The following TMEM225 variants were observed in gnomAD, a reference collection of about 807,000 sequenced individuals.
TMEM225 encodes PMP22 claudin domain-containing protein.
In TMEM225, 10 loss-of-function variants were observed where a neutral mutation model predicts 17.6. The observed-to-expected ratio is 0.57, with a 90% CI of 0.35 to 0.96. The LOEUF (loss-of-function observed/expected upper bound fraction) is 0.96, where lower values mean the gene tolerates loss of function less well. TMEM225 is among the 40% of genes least tolerant of loss of function. The pLI is 0.02. For missense variants in TMEM225, 245 were observed against 271.5 expected, an observed-to-expected ratio of 0.90 and a Z score of 0.69; for synonymous variants, 101 against 94.5, an observed-to-expected ratio of 1.07 and a Z score of -0.40.
At position 123,884,222 on chromosome 11, in the gene TMEM225, C is replaced by CAAAAAAAAAAAAA. The variant is rs61366176; in HGVS notation, c.329-26_329-14dup. 246 of 1,235,974 alleles carry CAAAAAAAAAAAAA rather than the reference C, an allele frequency of 2.0e-4. No homozygotes were observed. The highest frequency in any genetic ancestry group is 1.0e-3 in the South Asian group (50 of 49,304). The allele number at this position is 1,235,974 out of a possible 1,614,324, so 76.6% of individuals were successfully genotyped here. On this transcript the variant is annotated splice_polypyrimidine_tract_variant and intron_variant, in intron 2 of 3. Coordinates refer to ENST00000375026, the MANE Select transcript of TMEM225 (RefSeq NM_001013743.3). ...AGCAGAGAGATACCTGATGTCCAGA[C>CAAAAAAAAAAAAA]AAAAAAAAAAAAAAAAAAAGAAAAA...
rs201564217 is a variant in TMEM225, at chr11:123,883,197, G to A, written c.619C>T (p.His207Tyr). The A allele has an allele frequency of 9.3e-5, 150 of 1,613,410 alleles. 1 individual carries two copies. The highest frequency in any genetic ancestry group is 1.2e-4 in the Non-Finnish European group (144 of 1,179,616). ...TAMPRSIVRA[H>Y]TVNSLNKKVQ... ...TTTTTGTTTAGGGAATTCACAGTGT[G>A]TGCACGGACAATGCTACGAGGCATT... Residue 207 changes from histidine to tyrosine, a missense_variant, in exon 4 of 4, where the codon CAC becomes TAC. Transcript: ENST00000375026.
rs1862981302 is a variant in TMEM225, at chr11:123,882,998, T to C, written c.*140A>G. ...CTATTCGTTCAGCAGGCCAGGATTT[T>C]TTAAAAAACCATCTTCCAGATCTTT... On this transcript the variant is annotated 3_prime_UTR_variant, in exon 4 of 4. Coordinates refer to ENST00000375026, the MANE Select transcript of TMEM225 (RefSeq NM_001013743.3). The C allele has an allele frequency of 4.8e-6, 3 of 622,564 alleles. No individual in the cohort carries two copies. Among genetic ancestry groups the C allele is most frequent in the East Asian group, 5.7e-5 (2 of 35,392 alleles). The allele number at this position is 622,564 out of a possible 1,614,324, so 38.6% of individuals were successfully genotyped here.
intron 1 of TMEM225, 107 bp downstream of exon 1, chr11:123,885,138 A>T: frequency 9.9e-7 from 1 of 1,011,904 alleles, no homozygotes; most frequent in Non-Finnish European, 1.5e-6. Flanking sequence ...GAGAAGCTGC[A>T]CCAGAAAATA....
chr11:123,884,468 GT>G, intron 2 of TMEM225, 21 bp downstream of exon 2: 1 of 1,600,878 alleles, frequency 6.2e-7, no homozygotes. Context: ...ACAAGCTTGT[GT>G]TAGGGGAGCC....
intron 3 of TMEM225, among the ~76,000 whole-genome samples, chr11:123,883,866 C>T (rs77687122): frequency 0.041 from 6,257 of 152,180 alleles, 423 homozygotes; most frequent in African/African-American, 0.14. Context: ...GGGAGCTACC[C>T]TCTGAGGCCA....
intron 1 of TMEM225, 35 bp from the exon 2 acceptor site, chr11:123,884,671 A>G (rs1332626120): frequency 1.9e-6 from 3 of 1,591,426 alleles, no homozygotes; most frequent in Non-Finnish European, 2.6e-6. Flanking sequence ...GAGAGGACAG[A>G]TATTTCTTCT....
Position 123,884,398 on chromosome 11 carries a change from C to CATATAT in TMEM225, c.328+86_328+91dup, listed in dbSNP as rs111805958. ...TATGGTAGATCTAACTCAGAAGCTA[C>CATATAT]ATATATATATATATAGTTTTCAGAG... On this transcript the variant is annotated intron_variant, in intron 2 of 3. Transcript: ENST00000375026. The CATATAT allele has an allele frequency of 1.2e-5, 15 of 1,209,444 alleles. No individual in the cohort carries two copies. In the African/African-American group the frequency reaches 2.2e-4, roughly 18 times the overall value. 74.9% of individuals were successfully genotyped at this position (1,209,444 alleles called of 1,614,324 possible). A position where few individuals can be genotyped will look rare whatever the true frequency, so the allele number is the denominator to read the frequency against.
rs555096947 is a variant in TMEM225 at position 123,883,101 on chromosome 11, A to G, written c.*37T>C. On this transcript the variant is annotated 3_prime_UTR_variant, in exon 4 of 4. Coordinates refer to ENST00000375026, the MANE Select transcript of TMEM225 (RefSeq NM_001013743.3). ...CACACACCCACAAAGCTTTTTCCATAAAGATGAGCATATACTGCAAGAAAT... is the reference window on the plus strand; with the variant it reads ...CACACACCCACAAAGCTTTTTCCATGAAGATGAGCATATACTGCAAGAAAT... 361 of 1,556,394 alleles carry G rather than the reference A, an allele frequency of 2.3e-4. 3 individuals are homozygous for G. The South Asian group carries it at 3.8e-3, about 16-fold the overall frequency.
Position 123,885,646 on chromosome 11 carries a change from C to T in TMEM225, c.-221G>A. ...GCCAGCCTGCTGTCAGGACTGCCAA[C>T]TGCCATGGAATCATCTATTGGTTTG... On this transcript the variant is annotated 5_prime_UTR_variant, in exon 1 of 4. Coordinates refer to ENST00000375026, the MANE Select transcript of TMEM225 (RefSeq NM_001013743.3). The T allele has an allele frequency of 1.8e-6, 1 of 551,848 alleles. No homozygotes were observed. Among genetic ancestry groups the T allele is most frequent in the Non-Finnish European group, 3.2e-6 (1 of 312,914 alleles). The allele number at this position is 551,848 out of a possible 1,614,324, so 34.2% of individuals were successfully genotyped here.
Position 123,883,010 on chromosome 11 carries a change from T to G in TMEM225, c.*128A>C. On this transcript the variant is annotated 3_prime_UTR_variant, in exon 4 of 4. Transcript: ENST00000375026. ...CAGGCCAGGATTTTTTAAAAAACCATCTTCCAGATCTTTTTACAAACCCCA... is the reference window on the plus strand; with the variant it reads ...CAGGCCAGGATTTTTTAAAAAACCAGCTTCCAGATCTTTTTACAAACCCCA... 1 of 700,116 alleles carries G rather than the reference T, an allele frequency of 1.4e-6. No homozygotes were observed. The highest frequency in any genetic ancestry group is 2.3e-6 in the Non-Finnish European group (1 of 436,718). 43.4% of individuals were successfully genotyped at this position (700,116 alleles called of 1,614,324 possible). A position where few individuals can be genotyped will look rare whatever the true frequency, so the allele number is the denominator to read the frequency against.
chr11:123,883,918 C>T (rs1369711973), intron 3 of TMEM225, among the ~76,000 whole-genome samples, 157 bp downstream of exon 3: 1 of 152,110 alleles, frequency 6.6e-6, no homozygotes, highest in Admixed American at 6.5e-5. Flanking sequence ...TCCCACTCTT[C>T]TTGGAGGAAC....
At chr11:123,885,216 C>G (rs963095028) in intron 1 of TMEM225, 29 bp downstream of exon 1, 1 of 1,600,182 alleles carries the variant, frequency 6.2e-7, no homozygotes, top group Non-Finnish European at 8.5e-7. Flanking sequence ...TTCCTTTCCA[C>G]CCGTCTCTTT....
intron 2 of TMEM225, 71 bp from the exon 3 acceptor site, chr11:123,884,280 T>C (rs1863008479): frequency 2.7e-6 from 4 of 1,496,154 alleles, no homozygotes; most frequent in Non-Finnish European, 1.8e-6. Context: ...CTTTGGCTCC[T>C]TGATGCAAGT....
Position 123,885,441 on chromosome 11 carries a change from C to G in TMEM225, c.-16G>C. 6.2e-7 allele frequency: 1 copy of G among 1,604,236 alleles called. No individual in the cohort carries two copies. The highest frequency in any genetic ancestry group is 8.5e-7 in the Non-Finnish European group (1 of 1,175,036). On this transcript the variant is annotated 5_prime_UTR_variant, in exon 1 of 4. Transcript: ENST00000375026. ...CATGCACCATTGTGAGTGAAAATTT[C>G]TAGCTGGAACCACCACCACTATTTT...
At position 123,882,988 on chromosome 11, in the gene TMEM225, G is replaced by A; in HGVS notation, c.*150C>T. On this transcript the variant is annotated 3_prime_UTR_variant, in exon 4 of 4. Coordinates refer to ENST00000375026, the MANE Select transcript of TMEM225 (RefSeq NM_001013743.3). Reference sequence around the variant, plus strand: ...GCAGAAGAAACTATTCGTTCAGCAGGCCAGGATTTTTTAAAAAACCATCTT... The same window carrying A: ...GCAGAAGAAACTATTCGTTCAGCAGACCAGGATTTTTTAAAAAACCATCTT... 2 of 550,456 alleles carry A rather than the reference G, an allele frequency of 3.6e-6. No individual in the cohort carries two copies. The highest frequency in any genetic ancestry group is 6.3e-6 in the Non-Finnish European group (2 of 315,802). 34.1% of individuals were successfully genotyped at this position (550,456 alleles called of 1,614,324 possible).
chr11:123,884,046 C>A, intron 3 of TMEM225, 29 bp downstream of exon 3: 5 of 1,581,670 alleles, frequency 3.2e-6, no homozygotes, highest in Non-Finnish European at 4.3e-6. Flanking sequence ...TGGTTCTTAA[C>A]ACCCTTCAGG....
At position 123,885,561 on chromosome 11, in the gene TMEM225, G is replaced by A. The variant is rs1863032351; in HGVS notation, c.-136C>T. 1 of 761,150 alleles carries A rather than the reference G, an allele frequency of 1.3e-6. No individual in the cohort carries two copies. Among genetic ancestry groups the A allele is most frequent in the East Asian group, 2.7e-5 (1 of 37,528 alleles). The allele number at this position is 761,150 out of a possible 1,614,324, so 47.1% of individuals were successfully genotyped here. On this transcript the variant is annotated 5_prime_UTR_variant, in exon 1 of 4. Transcript: ENST00000375026. ...ATTGGTAACAGCAGAAGCTGAAGTA[G>A]TCTATAAAACAGAGAAGATAGATAA...
chr11:123,884,349 A>T, intron 2 of TMEM225, 140 bp from the exon 3 acceptor site: 1 of 1,324,044 alleles, frequency 7.6e-7, no homozygotes, highest in Non-Finnish European at 1.0e-6. Flanking sequence ...CACCTTGCCC[A>T]AAGACTGATC....
In TMEM225 at chr11:123,884,606, G is replaced by C. The variant is rs370834352; in HGVS notation, c.212C>G (p.Thr71Arg). Residue 71 changes from threonine (T) to arginine (R), a missense_variant, in exon 2 of 4, where the codon ACG (threonine) becomes AGG (arginine). Coordinates refer to ENST00000375026, the MANE Select transcript of TMEM225 (RefSeq NM_001013743.3). ...DDLKVVRIMMTSSLGLSFLLN... is the reference protein window; with the variant it reads ...DDLKVVRIMMRSSLGLSFLLN... ...GAGGAAGGAAAGGCCAAGGCTCGACGTCATCATAATCCTGACCACTTTCAG... is the reference window on the plus strand; with the variant it reads ...GAGGAAGGAAAGGCCAAGGCTCGACCTCATCATAATCCTGACCACTTTCAG... 1.9e-6 allele frequency: 3 copies of C among 1,613,172 alleles called. No individual in the cohort carries two copies. Among genetic ancestry groups the C allele is most frequent in the Non-Finnish European group, 2.5e-6 (3 of 1,179,484 alleles).
Sources: gnomAD v4.1 joint callset for allele counts (sites outside exome capture counted in the v4.1 genomes callset) on GRCh38, gnomAD v4.1.1 for gene constraint, MANE v1.5 for transcripts, NCBI Gene and HGNC (gene_info 2026-07-23, HGNC 2026-07-21) for gene names.